Variants in CNTN6 observed in about 807,000 individuals in gnomAD.
CNTN6 encodes contactin-6.
Under a neutral mutation model 122.8 loss-of-function variants are expected in CNTN6, and 137 were observed. That is an observed-to-expected ratio of 1.12 (90% CI 0.97 to 1.29). CNTN6 has a LOEUF of 1.29. CNTN6 is among the 50% of genes most tolerant of loss of function. The pLI is 0.00. For missense variants in CNTN6, 1,634 were observed against 1,223.4 expected, an observed-to-expected ratio of 1.34 and a Z score of -5.01; for synonymous variants, 570 against 426.0, an observed-to-expected ratio of 1.34 and a Z score of -4.16.
chr3:1,325,750 A>C, intron 8 of CNTN6, 65 bp from the exon 9 acceptor site: 1 of 1,553,272 alleles, frequency 6.4e-7, no homozygotes, highest in South Asian at 1.2e-5. Flanking sequence ...CAGCCCTTGT[A>C]ATGTAGCATA....
intron 12 of CNTN6, 140 bp from the exon 13 acceptor site, chr3:1,372,159 A>G: frequency 5.8e-6 from 3 of 520,414 alleles, no homozygotes; most frequent in Non-Finnish European, 6.4e-6. Context: ...AGGCAAAGGA[A>G]TATTTCATAC....
At chr3:1,266,760 A>C (rs1050774210) in intron 4 of CNTN6, among the ~76,000 whole-genome samples, 5 of 152,112 alleles carry the variant, frequency 3.3e-5, no homozygotes, top group African/African-American at 9.7e-5. Context: ...CTCTAATGAG[A>C]GTCACACATG....
At chr3:1,175,474 A>G (rs2093432142) in intron 2 of CNTN6, among the ~76,000 whole-genome samples, 1 of 152,202 alleles carries the variant, frequency 6.6e-6, no homozygotes, top group Non-Finnish European at 1.5e-5. Context: ...AGGTTAGCCA[A>G]TTGCAGATAG....
intron 12 of CNTN6, among the ~76,000 whole-genome samples, chr3:1,359,456 G>T (rs1291015649): frequency 6.6e-6 from 1 of 151,804 alleles, no homozygotes; most frequent in Non-Finnish European, 1.5e-5. Flanking sequence ...TTTTAATCTG[G>T]GGTTCTCAGT....
At chr3:1,274,111 G>A (rs1691878407) in intron 4 of CNTN6, among the ~76,000 whole-genome samples, 1 of 152,158 alleles carries the variant, frequency 6.6e-6, no homozygotes, top group Admixed American at 6.5e-5. Flanking sequence ...CCTTAAAATT[G>A]TCACCTATGA....
intron 4 of CNTN6, among the ~76,000 whole-genome samples, chr3:1,271,907 A>G (rs2095033568): frequency 6.6e-6 from 1 of 152,150 alleles, no homozygotes; most frequent in South Asian, 2.1e-4. Flanking sequence ...ATATGGTTTT[A>G]ATGTATCCCC....
chr3:1,330,178 T>G (rs1702097165), intron 11 of CNTN6, among the ~76,000 whole-genome samples: 1 of 151,936 alleles, frequency 6.6e-6, no homozygotes, highest in Non-Finnish European at 1.5e-5. Context: ...TAATAGATTT[T>G]TAAAAATCTT....
chr3:1,237,972 A>G (rs949282610), intron 4 of CNTN6, among the ~76,000 whole-genome samples: 1 of 152,050 alleles, frequency 6.6e-6, no homozygotes, highest in Non-Finnish European at 1.5e-5. Context: ...CAGAACCTAT[A>G]TAACAATAAC....
At chr3:1,112,346 GGCCTTTT>G in intron 1 of CNTN6, among the ~76,000 whole-genome samples, 1 of 152,270 alleles carries the variant, frequency 6.6e-6, no homozygotes, top group South Asian at 2.1e-4. Context: ...TCCCAGGACA[GGCCTTTT>G]GCAAGATGGA....
chr3:1,315,117 A>T (rs1164803484), intron 7 of CNTN6, among the ~76,000 whole-genome samples: 1 of 152,046 alleles, frequency 6.6e-6, no homozygotes, highest in East Asian at 1.9e-4. Flanking sequence ...TGACTCTGTA[A>T]CATCAGTTTC....
intron 16 of CNTN6, 91 bp downstream of exon 16, chr3:1,374,164 T>C: frequency 1.5e-6 from 2 of 1,338,500 alleles, no homozygotes; most frequent in South Asian, 1.8e-5. Context: ...CTTCTAATAC[T>C]TTTGGCTCAA....
At chr3:1,098,556 G>C (rs1172501973) in intron 1 of CNTN6, among the ~76,000 whole-genome samples, 8 of 151,040 alleles carry the variant, frequency 5.3e-5, no homozygotes, top group Admixed American at 5.3e-4. Flanking sequence ...ATTTTCTATA[G>C]TTTATTTTAT....
At chr3:1,252,588 A>G (rs2125673095) in intron 4 of CNTN6, among the ~76,000 whole-genome samples, 1 of 152,358 alleles carries the variant, frequency 6.6e-6, no homozygotes, top group East Asian at 1.9e-4. Flanking sequence ...TAGTCATTTT[A>G]GAGGATATTT....
At chr3:1,358,706 C>T (rs896617305) in intron 12 of CNTN6, among the ~76,000 whole-genome samples, 2 of 151,926 alleles carry the variant, frequency 1.3e-5, no homozygotes, top group Non-Finnish European at 2.9e-5. Context: ...CAACATGAAA[C>T]GTTCAGAAGA....
intron 7 of CNTN6, among the ~76,000 whole-genome samples, chr3:1,314,893 T>G (rs1480464035): frequency 6.6e-6 from 1 of 152,166 alleles, no homozygotes; most frequent in East Asian, 1.9e-4. Context: ...CAATGCTCCT[T>G]TTGAAATACA....
rs758982570 is a variant in CNTN6 at position 1,383,174 on chromosome 3, A to T, written c.2399A>T (p.Asp800Val). Residue 800 changes from aspartate to valine, a missense_variant and splice_region_variant, in exon 18 of 23, where the codon GAT becomes GTT. Asp to Val is a radical substitution (Grantham distance 152). Transcript: ENST00000446702. The part of the protein sequence containing the change: ...STVTIVYSGE[D>V]EPQLAPRGTS... ...GTGACCATTGTCTACTCTGGGGAAG[A>T]TGGTAAGTTGTCCTCAACTCTGGTT... 6.2e-6 allele frequency: 10 copies of T among 1,611,968 alleles called. No homozygotes were observed. The highest frequency in any genetic ancestry group is 1.6e-4 in the Middle Eastern group (1 of 6,084).
At chr3:1,118,121 T>G (rs868731371) in intron 1 of CNTN6, among the ~76,000 whole-genome samples, 1 of 152,194 alleles carries the variant, frequency 6.6e-6, no homozygotes, top group Admixed American at 6.6e-5. Context: ...AGGCTAAATA[T>G]GTAACTCTGC....
chr3:1,321,251 C>G (rs1041685960), intron 7 of CNTN6, among the ~76,000 whole-genome samples: 2 of 151,644 alleles, frequency 1.3e-5, no homozygotes, highest in African/African-American at 4.8e-5. Context: ...TTTCCTTGAC[C>G]ACTATAATAA....
At position 1,273,522 on chromosome 3, in the gene CNTN6, G is replaced by C. The variant is rs145615519; in HGVS notation, c.359-4891G>C. ...AAATCTTGTTTCCAGCTAGCAGAAGGGTATTTGAAATACAGATTGGATCTG... is the reference window on the plus strand; with the variant it reads ...AAATCTTGTTTCCAGCTAGCAGAAGCGTATTTGAAATACAGATTGGATCTG... On this transcript the variant is annotated intron_variant, in intron 4 of 22. Transcript: ENST00000446702. Among the ~76,000 whole-genome samples the C allele has an allele frequency of 2.1e-3, 323 of 152,102 alleles. 1 individual carries two copies. The highest frequency in any genetic ancestry group is 0.01 in the Middle Eastern group (3 of 294).
Sources: gnomAD v4.1 joint callset for allele counts (sites outside exome capture counted in the v4.1 genomes callset) on GRCh38, gnomAD v4.1.1 for gene constraint, MANE v1.5 for transcripts, NCBI Gene and HGNC (gene_info 2026-07-23, HGNC 2026-07-21) for gene names.